Variants in ITGA9 observed in about 807,000 individuals in gnomAD.
ITGA9 encodes integrin subunit alpha 9.
In ITGA9, 56 loss-of-function variants were observed where a neutral mutation model predicts 127.8. The ratio of observed to expected loss-of-function variants is 0.44; its 90% confidence interval spans 0.35 to 0.55. The LOEUF is 0.55. Among genes scored for constraint, ITGA9 ranks in the 20% least tolerant of loss-of-function variants. The pLI is 0.00. For missense variants in ITGA9, 1,196 were observed against 1,347.1 expected, an observed-to-expected ratio of 0.89 and a Z score of 1.76; for synonymous variants, 508 against 514.5, an observed-to-expected ratio of 0.99 and a Z score of 0.17.
intron 15 of ITGA9, among the ~76,000 whole-genome samples, chr3:37,574,429 A>G (rs1699632991): frequency 6.6e-6 from 1 of 152,188 alleles, no homozygotes; most frequent in South Asian, 2.1e-4. Flanking sequence ...ATCAGTCCCA[A>G]GAGTCACCTT....
chr3:37,509,093 G>A (rs1278803444), intron 8 of ITGA9, among the ~76,000 whole-genome samples: 1 of 152,082 alleles, frequency 6.6e-6, no homozygotes, highest in Non-Finnish European at 1.5e-5. Context: ...GGTGACTGTT[G>A]CCACACAAAG....
intron 21 of ITGA9, among the ~76,000 whole-genome samples, chr3:37,742,217 C>T (rs138470234): frequency 2.0e-5 from 3 of 152,334 alleles, no homozygotes; most frequent in African/African-American, 7.2e-5. Context: ...AGATTATCAC[C>T]AGATGTGTCT....
intron 17 of ITGA9, among the ~76,000 whole-genome samples, chr3:37,658,284 G>C (rs1700497446): frequency 6.6e-6 from 1 of 152,170 alleles, no homozygotes; most frequent in South Asian, 2.1e-4. Context: ...TGACAGTGGA[G>C]TGTTAAAGTC....
At chr3:37,468,533 A>G (rs929392368) in intron 1 of ITGA9, among the ~76,000 whole-genome samples, 4 of 152,086 alleles carry the variant, frequency 2.6e-5, no homozygotes, top group African/African-American at 9.7e-5. Flanking sequence ...CTTCTGTTGT[A>G]TGATGTAGAG....
At position 37,503,317 on chromosome 3, in the gene ITGA9, CAGGG is replaced by C; in HGVS notation, c.742+13_742+16del. Reference sequence around the variant, plus strand: ...CGGTACACCTACCTGGGTGAGTACTCAGGGAGAGAACAGGTAAGAAAGGGGAAAT... The same window carrying C: ...CGGTACACCTACCTGGGTGAGTACTCAGAGAACAGGTAAGAAAGGGGAAAT... On this transcript the variant is annotated intron_variant, in intron 6 of 27. Coordinates refer to ENST00000264741, the MANE Select transcript of ITGA9 (RefSeq NM_002207.3). 1.2e-6 allele frequency: 2 copies of C among 1,613,678 alleles called. No individual in the cohort carries two copies. The highest frequency in any genetic ancestry group is 1.7e-6 in the Non-Finnish European group (2 of 1,179,748).
intron 1 of ITGA9, among the ~76,000 whole-genome samples, chr3:37,456,810 A>G (rs1183919555): frequency 6.6e-6 from 1 of 152,192 alleles, no homozygotes; most frequent in Non-Finnish European, 1.5e-5. Flanking sequence ...AACAAGCTAG[A>G]TAGTTCTGGT....
At chr3:37,709,448 T>C (rs1323534168) in intron 18 of ITGA9, among the ~76,000 whole-genome samples, 2 of 152,186 alleles carry the variant, frequency 1.3e-5, no homozygotes, top group African/African-American at 4.8e-5. Flanking sequence ...TTACCATCAG[T>C]TTTTCTTTCA....
chr3:37,588,140 C>T (rs112171839), intron 15 of ITGA9, among the ~76,000 whole-genome samples: 4 of 152,168 alleles, frequency 2.6e-5, no homozygotes, highest in South Asian at 4.1e-4. Context: ...GTCCACTTAG[C>T]GAATATCTAA....
In ITGA9 at chr3:37,513,640, T is replaced by C. The variant is rs140224503; in HGVS notation, c.898-123T>C. ...TGTGATGTTCCCCTTCCTGTGTCCA[T>C]GTGTTCTCATTGTTCAATTCCTCTG... is the stretch of plus-strand genomic sequence containing the variant. On this transcript the variant is annotated intron_variant, in intron 8 of 27. Coordinates refer to ENST00000264741, the MANE Select transcript of ITGA9 (RefSeq NM_002207.3). 16 of 881,146 alleles carry C rather than the reference T, an allele frequency of 1.8e-5. No individual in the cohort carries two copies. The African/African-American group carries it at 2.5e-4, about 14-fold the overall frequency. 54.6% of individuals were successfully genotyped at this position (881,146 alleles called of 1,614,324 possible). A position where few individuals can be genotyped will look rare whatever the true frequency, so the allele number is the denominator to read the frequency against.
At chr3:37,674,682 G>A (rs931659032) in intron 17 of ITGA9, among the ~76,000 whole-genome samples, 9 of 152,208 alleles carry the variant, frequency 5.9e-5, no homozygotes, top group Non-Finnish European at 1.2e-4. Flanking sequence ...ACAGTTGCCA[G>A]TCATAGAGAA....
chr3:37,511,989 TTTTCTTTTC>T lies in ITGA9; in HGVS notation c.898-1770_898-1762del, dbSNP rs1169794374. Among the ~76,000 whole-genome samples the T allele has an allele frequency of 9.8e-4, 27 of 27,596 alleles. 2 individuals are homozygous for T. In the East Asian group the frequency reaches 0.047, roughly 48 times the overall value. The allele number at this position is 27,596 out of a possible 152,430, so 18.1% of individuals were successfully genotyped here. A position where few individuals can be genotyped will look rare whatever the true frequency, so the allele number is the denominator to read the frequency against. On this transcript the variant is annotated intron_variant, in intron 8 of 27. Coordinates refer to ENST00000264741, the MANE Select transcript of ITGA9 (RefSeq NM_002207.3). ...CTTTCTTTTCTTTTCTTTTCTTTTCTTTTCTTTTCTTTTCTTTTCTTTTCTTTTCTTTTC... is the reference window on the plus strand; with the variant it reads ...CTTTCTTTTCTTTTCTTTTCTTTTCTTTTTCTTTTCTTTTCTTTTCTTTTC...
chr3:37,673,895 G>A (rs77874229), intron 17 of ITGA9, among the ~76,000 whole-genome samples: 1,649 of 152,296 alleles, frequency 0.011, 29 homozygotes, highest in African/African-American at 0.038. Context: ...TTGAAAATCC[G>A]TGAGTCTCTA....
chr3:37,747,053 C>T (rs1373945286), intron 22 of ITGA9, among the ~76,000 whole-genome samples: 1 of 152,150 alleles, frequency 6.6e-6, no homozygotes, highest in Non-Finnish European at 1.5e-5. Context: ...CCTACTTATC[C>T]TTTTTAAACA....
chr3:37,735,856 C>T (rs549506507), intron 19 of ITGA9, among the ~76,000 whole-genome samples: 1 of 152,320 alleles, frequency 6.6e-6, no homozygotes, highest in East Asian at 1.9e-4. Context: ...TTGACCCTAA[C>T]AGTGACCCTT....
intron 15 of ITGA9, among the ~76,000 whole-genome samples, chr3:37,596,088 CTG>C (rs1378894518): frequency 6.6e-6 from 1 of 152,206 alleles, no homozygotes; most frequent in Non-Finnish European, 1.5e-5. Flanking sequence ...AATCAAATAA[CTG>C]TGAACAAATG....
At chr3:37,659,567 T>C (rs2125650616) in intron 17 of ITGA9, among the ~76,000 whole-genome samples, 1 of 152,088 alleles carries the variant, frequency 6.6e-6, no homozygotes, top group Admixed American at 6.6e-5. Context: ...GTTATTTTAG[T>C]TTGCAATTTC....
chr3:37,555,266 G>T (rs1215974721), intron 15 of ITGA9, among the ~76,000 whole-genome samples: 1 of 152,218 alleles, frequency 6.6e-6, no homozygotes, highest in East Asian at 1.9e-4. Context: ...AGATGTCTAA[G>T]TACCAGCTAG....
intron 15 of ITGA9, among the ~76,000 whole-genome samples, chr3:37,557,418 A>G (rs1699441449): frequency 1.3e-5 from 2 of 152,216 alleles, no homozygotes; most frequent in Non-Finnish European, 2.9e-5. Flanking sequence ...GAGCTAGGGA[A>G]GCGCCCAGGC....
chr3:37,567,556 G>A (rs1699559804), intron 15 of ITGA9, among the ~76,000 whole-genome samples: 1 of 152,094 alleles, frequency 6.6e-6, no homozygotes, highest in African/African-American at 2.4e-5. Flanking sequence ...TATGAGACAA[G>A]GCAAGTCCCT....
Sources: gnomAD v4.1 joint callset for allele counts (sites outside exome capture counted in the v4.1 genomes callset) on GRCh38, gnomAD v4.1.1 for gene constraint, MANE v1.5 for transcripts, NCBI Gene and HGNC (gene_info 2026-07-23, HGNC 2026-07-21) for gene names.